The following TCF12 variants were observed in gnomAD, a reference collection of about 807,000 sequenced individuals.
TCF12 encodes the protein transcription factor 12.
TCF12 carries 45 observed loss-of-function variants against 86.0 expected under a neutral mutation model. The ratio of observed to expected loss-of-function variants is 0.52; its 90% confidence interval spans 0.41 to 0.67. TCF12 has a LOEUF of 0.67. TCF12 is among the 30% of genes least tolerant of loss of function. The pLI is 0.00. For missense variants in TCF12, 881 were observed against 859.9 expected, an observed-to-expected ratio of 1.02 and a Z score of -0.31; for synonymous variants, 330 against 299.6, an observed-to-expected ratio of 1.10 and a Z score of -1.05.
At chr15:56,998,915 A>G (rs544873697) in intron 3 of TCF12, among the ~76,000 whole-genome samples, 4 of 152,258 alleles carry the variant, frequency 2.6e-5, no homozygotes, top group East Asian at 1.9e-4. Context: ...GAAATTAGAC[A>G]TGGCTGGGCG....
chr15:57,270,734 C>T lies in TCF12; in HGVS notation c.1746-2296C>T, dbSNP rs900643006. Among the ~76,000 whole-genome samples, 6 of 152,160 alleles carry T rather than the reference C, an allele frequency of 3.9e-5. No individual in the cohort carries two copies. In the South Asian group the frequency reaches 6.2e-4, roughly 16 times the overall value. On this transcript the variant is annotated intron_variant, in intron 18 of 20. Transcript: ENST00000333725. ...TTTGGTCTTTGATGTTGGTGACCTA[C>T]GAATGGGATTTTGGTGTGGATGTCC...
intron 3 of TCF12, among the ~76,000 whole-genome samples, chr15:56,960,752 A>G (rs889496803): frequency 2.6e-5 from 4 of 152,068 alleles, no homozygotes; most frequent in Admixed American, 6.5e-5. Context: ...CTTTATCCCA[A>G]TTCTTTGATA....
intron 16 of TCF12, among the ~76,000 whole-genome samples, chr15:57,258,198 T>C (rs1260093935): frequency 6.6e-6 from 1 of 152,074 alleles, no homozygotes; most frequent in African/African-American, 2.4e-5. Flanking sequence ...AGAGGATCAC[T>C]TGAGCCAGGA....
chr15:56,986,566 A>G (rs1312938446), intron 3 of TCF12, among the ~76,000 whole-genome samples: 2 of 152,212 alleles, frequency 1.3e-5, no homozygotes, highest in African/African-American at 4.8e-5. Flanking sequence ...GAAACCAGAA[A>G]TAGAAATCTT....
chr15:57,198,373 G>C (rs926312412), intron 8 of TCF12, among the ~76,000 whole-genome samples: 1 of 152,062 alleles, frequency 6.6e-6, no homozygotes, highest in Admixed American at 6.6e-5. Context: ...CCTAACTTCA[G>C]CCTAGCATCA....
At chr15:57,166,203 C>CTAGT (rs1447602819) in intron 5 of TCF12, among the ~76,000 whole-genome samples, 199 bp from the exon 6 acceptor site, 1 of 152,212 alleles carries the variant, frequency 6.6e-6, no homozygotes, top group Non-Finnish European at 1.5e-5. Context: ...AGACGTGAGT[C>CTAGT]ACTACATCCT....
At chr15:57,068,339 C>T (rs1476420138) in intron 4 of TCF12, among the ~76,000 whole-genome samples, 1 of 152,076 alleles carries the variant, frequency 6.6e-6, no homozygotes, top group Non-Finnish European at 1.5e-5. Flanking sequence ...CCCATTAGAT[C>T]TATATTTAAC....
chr15:57,064,493 G>C (rs1173193051), intron 4 of TCF12, among the ~76,000 whole-genome samples: 3 of 152,016 alleles, frequency 2.0e-5, no homozygotes, highest in Admixed American at 1.3e-4. Context: ...AAACTGACGA[G>C]GTTAAGAGAT....
intron 4 of TCF12, among the ~76,000 whole-genome samples, chr15:57,089,315 T>C (rs1431130096): frequency 1.3e-5 from 2 of 152,224 alleles, no homozygotes; most frequent in African/African-American, 4.8e-5. Flanking sequence ...TAATAGTATA[T>C]GCATATAATC....
intron 3 of TCF12, among the ~76,000 whole-genome samples, chr15:57,000,311 A>T (rs1278833900): frequency 1.3e-4 from 20 of 150,886 alleles, no homozygotes. Flanking sequence ...AAGTGGTGGG[A>T]TTACAGGCAT....
intron 3 of TCF12, among the ~76,000 whole-genome samples, chr15:56,934,394 A>T (rs1460613289): frequency 6.6e-6 from 1 of 152,222 alleles, no homozygotes; most frequent in Non-Finnish European, 1.5e-5. Context: ...GGAGGAGACG[A>T]TACAAAGAGG....
chr15:57,268,420 G>C (rs1156654253), intron 18 of TCF12, among the ~76,000 whole-genome samples: 1 of 152,158 alleles, frequency 6.6e-6, no homozygotes, highest in Admixed American at 6.6e-5. Context: ...TTTAGGGACA[G>C]AGTCTCTGTT....
intron 3 of TCF12, among the ~76,000 whole-genome samples, chr15:56,986,234 A>G (rs2063171871): frequency 1.3e-5 from 2 of 152,174 alleles, no homozygotes; most frequent in South Asian, 4.1e-4. Flanking sequence ...AACATTATAA[A>G]TAAATTACCT....
intron 3 of TCF12, among the ~76,000 whole-genome samples, chr15:56,934,892 G>A (rs544329156): frequency 9.2e-5 from 14 of 152,224 alleles, no homozygotes; most frequent in Middle Eastern, 3.4e-3. Context: ...TGGGAGAAAA[G>A]GGTCATGGAA....
intron 3 of TCF12, among the ~76,000 whole-genome samples, chr15:56,962,652 A>C (rs1182639433): frequency 6.6e-6 from 1 of 152,194 alleles, no homozygotes; most frequent in Non-Finnish European, 1.5e-5. Flanking sequence ...GATGTAACCT[A>C]CTTAGGCCTC....
chr15:57,091,733 A>G (rs2049003467), intron 4 of TCF12, 56 bp from the exon 5 acceptor site: 1 of 1,312,386 alleles, frequency 7.6e-7, no homozygotes, highest in Non-Finnish European at 1.1e-6. Flanking sequence ...CATTATGCTC[A>G]ATTAGCGGGA....
At chr15:57,111,087 C>G (rs541290911) in intron 5 of TCF12, among the ~76,000 whole-genome samples, 2 of 152,200 alleles carry the variant, frequency 1.3e-5, no homozygotes, top group East Asian at 1.9e-4. Flanking sequence ...TTAACGTCCT[C>G]TCTTTTTTGG....
chr15:56,963,429 T>G (rs896738367), intron 3 of TCF12, among the ~76,000 whole-genome samples: 2 of 152,202 alleles, frequency 1.3e-5, no homozygotes, highest in Non-Finnish European at 2.9e-5. Flanking sequence ...CTAGGCAGAA[T>G]TTAGCTTTGT....
chr15:57,035,331 A>G (rs1321283124), intron 3 of TCF12, among the ~76,000 whole-genome samples: 5 of 152,202 alleles, frequency 3.3e-5, no homozygotes, highest in Non-Finnish European at 7.4e-5. Context: ...TGGCACGATC[A>G]TAGCTCACTG....
Sources: allele counts gnomAD v4.1 joint callset (sites outside exome capture counted in the v4.1 genomes callset), GRCh38; gene constraint gnomAD v4.1.1; transcripts MANE v1.5; gene names NCBI Gene and HGNC (gene_info 2026-07-23, HGNC 2026-07-21).